The following CABIN1 variants were observed in gnomAD, a reference collection of about 807,000 sequenced individuals.
CABIN1 encodes calcineurin-binding protein cabin-1.
CABIN1 carries 133 observed loss-of-function variants against 227.7 expected under a neutral mutation model. The ratio of observed to expected loss-of-function variants is 0.58; its 90% CI spans 0.51 to 0.67. The LOEUF (loss-of-function observed/expected upper bound fraction) is 0.67. Among genes scored for constraint, CABIN1 ranks in the 30% least tolerant of loss-of-function variants. The pLI, the probability that CABIN1 is intolerant of heterozygous loss-of-function variation, is 0.00. For synonymous variants in CABIN1, 1,086 were observed against 1,155.1 expected, an observed-to-expected ratio of 0.94 and a Z score of 1.21; for missense variants, 2,408 against 2,852.5, an observed-to-expected ratio of 0.84 and a Z score of 3.55.
At chr22:24,050,744 A>G in intron 7 of CABIN1, 81 bp from the exon 8 acceptor site, 1 of 1,499,118 alleles carries the variant, frequency 6.7e-7, no homozygotes, top group Non-Finnish European at 9.3e-7. Flanking sequence ...GTATTAACCT[A>G]AATGCATTTT....
At chr22:24,025,235 ATG>A (rs1304764725) in intron 1 of CABIN1, among the ~76,000 whole-genome samples, 2 of 152,142 alleles carry the variant, frequency 1.3e-5, no homozygotes, top group African/African-American at 4.8e-5. Context: ...TTTTTGCAAA[ATG>A]TATTCCTTGT....
chr22:24,091,959 ATC>A, intron 24 of CABIN1, 116 bp downstream of exon 24: 2 of 1,277,526 alleles, frequency 1.6e-6, no homozygotes, highest in South Asian at 2.7e-5. Context: ...CCGCAAACTT[ATC>A]TGTGTTGAGC....
chr22:24,036,675 C>G (rs2036916213), intron 3 of CABIN1, among the ~76,000 whole-genome samples: 2 of 152,186 alleles, frequency 1.3e-5, no homozygotes, highest in Non-Finnish European at 2.9e-5. Flanking sequence ...TTTCAGCCTT[C>G]TTCTTTCCAT....
chr22:24,068,955 G>T (rs75701952), intron 16 of CABIN1, among the ~76,000 whole-genome samples: 1 of 152,238 alleles, frequency 6.6e-6, no homozygotes, highest in Admixed American at 6.5e-5. Context: ...CCATGTTCTC[G>T]AGGGGGGGCA....
At chr22:24,049,889 G>A (rs754185887) in intron 7 of CABIN1, among the ~76,000 whole-genome samples, 11 of 151,996 alleles carry the variant, frequency 7.2e-5, no homozygotes, top group Non-Finnish European at 1.6e-4. Context: ...TCTTCCCACA[G>A]ACACACTTCT....
At position 24,091,716 on chromosome 22, in the gene CABIN1, A is replaced by G; in HGVS notation, c.3659A>G (p.Gln1220Arg). 2 of 1,614,156 alleles carry G rather than the reference A, an allele frequency of 1.2e-6. No homozygotes were observed. The highest frequency in any genetic ancestry group is 1.1e-5 in the South Asian group (1 of 91,088). The change falls in exon 24 of 37, where the codon CAG becomes CGG. Residue 1220 changes from glutamine (Q) to arginine (R), a missense_variant. Physicochemically the swap from Gln to Arg is conservative, Grantham distance 43 (BLOSUM62 1). Coordinates refer to ENST00000263119, the MANE Select transcript of CABIN1 (RefSeq NM_012295.4). ...YMLGKVAEKQ[Q>R]QPPTVYLLHY... ...CTGGGCAAGGTGGCTGAGAAGCAGCAGCAGCCACCCACCGTTTACTTGCTG... is the reference window on the plus strand; with the variant it reads ...CTGGGCAAGGTGGCTGAGAAGCAGCGGCAGCCACCCACCGTTTACTTGCTG...
chr22:24,161,702 A>G (rs1272427242), intron 29 of CABIN1, among the ~76,000 whole-genome samples: 1 of 152,062 alleles, frequency 6.6e-6, no homozygotes, highest in South Asian at 2.1e-4. Flanking sequence ...GCTTTATCCA[A>G]GCTCACCCCT....
intron 29 of CABIN1, among the ~76,000 whole-genome samples, chr22:24,137,456 A>G (rs2044491466): frequency 6.6e-6 from 1 of 152,216 alleles, no homozygotes; most frequent in Non-Finnish European, 1.5e-5. Flanking sequence ...GAAGGCTGGT[A>G]CAGCCTCATG....
chr22:24,061,255 G>A (rs1460875154), intron 12 of CABIN1, among the ~76,000 whole-genome samples: 2 of 152,186 alleles, frequency 1.3e-5, no homozygotes, highest in African/African-American at 2.4e-5. Context: ...GGAACACAAG[G>A]TGCTCTGGCC....
intron 6 of CABIN1, among the ~76,000 whole-genome samples, chr22:24,045,138 A>G (rs1426476382): frequency 1.3e-5 from 2 of 152,048 alleles, no homozygotes; most frequent in Admixed American, 6.6e-5. Flanking sequence ...GTTAGCCAGG[A>G]TGTTCTTGAT....
At chr22:24,024,152 G>A (rs957565655) in intron 1 of CABIN1, among the ~76,000 whole-genome samples, 30 of 151,702 alleles carry the variant, frequency 2.0e-4, no homozygotes, top group Non-Finnish European at 2.5e-4. Context: ...TTCTTCCATT[G>A]TGTGTGTTGT....
chr22:24,033,216 A>C (rs1452142028), intron 1 of CABIN1, among the ~76,000 whole-genome samples: 1 of 152,244 alleles, frequency 6.6e-6, no homozygotes, highest in Non-Finnish European at 1.5e-5. Flanking sequence ...TCTGTGAGAA[A>C]GTACTTCCTT....
At chr22:24,130,673 C>A (rs1198367076) in intron 28 of CABIN1, among the ~76,000 whole-genome samples, 1 of 152,140 alleles carries the variant, frequency 6.6e-6, no homozygotes, top group African/African-American at 2.4e-5. Flanking sequence ...ACCAGCCTGG[C>A]ACCCATGATT....
rs1013886512 is a variant in CABIN1, at chr22:24,048,993, C to T, written c.527-98C>T. Reference sequence around the variant, plus strand: ...TCTCATTATTTTTTACCAGGCATTTCTTTGATTCTAGGAGCAGGATTTTCC... The same window carrying T: ...TCTCATTATTTTTTACCAGGCATTTTTTTGATTCTAGGAGCAGGATTTTCC... On this transcript the variant is annotated intron_variant, in intron 6 of 36. Transcript: ENST00000263119. The T allele has an allele frequency of 2.1e-6, 3 of 1,414,796 alleles. No homozygotes were observed. In the East Asian group the frequency reaches 6.9e-5, roughly 32 times the overall value. 87.6% of individuals were successfully genotyped at this position (1,414,796 alleles called of 1,614,324 possible). A position where few individuals can be genotyped will look rare whatever the true frequency, so the allele number is the denominator to read the frequency against.
At chr22:24,073,750 C>G (rs1743909336) in intron 18 of CABIN1, among the ~76,000 whole-genome samples, 1 of 152,050 alleles carries the variant, frequency 6.6e-6, no homozygotes, top group Non-Finnish European at 1.5e-5. Flanking sequence ...TGGAGTGGGG[C>G]CAGGGACTGA....
intron 28 of CABIN1, among the ~76,000 whole-genome samples, chr22:24,127,114 G>A (rs1043083647): frequency 1.3e-5 from 2 of 152,122 alleles, no homozygotes; most frequent in Non-Finnish European, 2.9e-5. Flanking sequence ...GATATGTAAA[G>A]AGTGAGTTGG....
At chr22:24,169,511 A>G (rs1194571781) in intron 33 of CABIN1, among the ~76,000 whole-genome samples, 1 of 152,126 alleles carries the variant, frequency 6.6e-6, no homozygotes, top group East Asian at 1.9e-4. Flanking sequence ...CAGACGAGGC[A>G]TGCTGTGGGG....
chr22:24,111,974 T>C (rs2042833459), intron 26 of CABIN1, among the ~76,000 whole-genome samples: 1 of 152,250 alleles, frequency 6.6e-6, no homozygotes, highest in South Asian at 2.1e-4. Flanking sequence ...TGAAATTTCC[T>C]GTCTCTTCAT....
Position 24,071,054 on chromosome 22 carries a change from C to T in CABIN1, c.2475+12C>T. On this transcript the variant is annotated intron_variant, in intron 17 of 36. Coordinates refer to ENST00000263119, the MANE Select transcript of CABIN1 (RefSeq NM_012295.4). ...ACAACCTCATCCAGGTAACCCCTGG[C>T]TCCTTCTCACCCTGCCCTGCCCCAG... is the stretch of plus-strand genomic sequence containing the variant. 1 of 1,614,218 alleles carries T rather than the reference C, an allele frequency of 6.2e-7. No homozygotes were observed. Among genetic ancestry groups the T allele is most frequent in the Non-Finnish European group, 8.5e-7 (1 of 1,180,030 alleles).
Sources: allele counts gnomAD v4.1 joint callset (sites outside exome capture counted in the v4.1 genomes callset), GRCh38; gene constraint gnomAD v4.1.1; transcripts MANE v1.5; gene names NCBI Gene and HGNC (gene_info 2026-07-23, HGNC 2026-07-21).